Variants in CLEC1A observed in about 807,000 individuals in gnomAD.
CLEC1A encodes C-type lectin domain family 1 member A, also known as C-type lectin-like receptor-1.
CLEC1A carries 34 observed loss-of-function variants against 28.7 expected under a neutral mutation model. That is an observed-to-expected ratio of 1.18 (90% CI 0.90 to 1.57). The LOEUF (loss-of-function observed/expected upper bound fraction) is 1.57, where lower values mean the gene tolerates loss of function less well. Among genes scored for constraint, CLEC1A ranks in the 40% most tolerant of loss-of-function variants. The pLI, the probability that CLEC1A is intolerant of heterozygous loss-of-function variation, is 0.00. For synonymous variants in CLEC1A, 116 were observed against 121.0 expected (o/e 0.96, Z 0.27); for missense variants, 385 against 339.5 (o/e 1.13, Z -1.05).
At chr12:10,093,371 T>TAA (rs761708305) in intron 1 of CLEC1A, among the ~76,000 whole-genome samples, 4 of 30,526 alleles carry the variant, frequency 1.3e-4, no homozygotes, top group African/African-American at 2.6e-4. Context: ...AAGATATATA[T>TAA]AGAAAAAAAA....
chr12:10,092,023 T>C (rs1411148346), intron 1 of CLEC1A, among the ~76,000 whole-genome samples: 2 of 152,018 alleles, frequency 1.3e-5, no homozygotes, highest in African/African-American at 4.8e-5. Flanking sequence ...GTCCATTATA[T>C]ACAAATACCT....
At chr12:10,078,794 C>T (rs11053573) in intron 3 of CLEC1A, among the ~76,000 whole-genome samples, 40,735 of 152,044 alleles carry the variant, frequency 0.27, 6,005 homozygotes, top group African/African-American at 0.4. Flanking sequence ...TGGGAAGTGT[C>T]TCGGTCAGGG....
rs1226098416 is a variant in CLEC1A, at chr12:10,069,914, C to T, written c.*1419G>A. On this transcript the variant is annotated 3_prime_UTR_variant, in exon 6 of 6. Transcript: ENST00000315330. ...TTTCTATCATATGATTGCTACTATA[C>T]GTCATTTTACCATGAGATAGATGTT... The T allele has an allele frequency of 2.6e-5, 4 of 152,180 alleles. No homozygotes were observed. Among genetic ancestry groups the T allele is most frequent in the South Asian group, 2.1e-4 (1 of 4,834 alleles). 9.4% of individuals were successfully genotyped at this position (152,180 alleles called of 1,614,324 possible). A position where few individuals can be genotyped will look rare whatever the true frequency, so the allele number is the denominator to read the frequency against.
At chr12:10,079,270 T>C (rs182066460) in intron 3 of CLEC1A, among the ~76,000 whole-genome samples, 14 of 152,148 alleles carry the variant, frequency 9.2e-5, no homozygotes, top group Admixed American at 7.9e-4. Flanking sequence ...ATCACTTCAG[T>C]GGGTGGATGG....
In CLEC1A at chr12:10,075,597, C is replaced by T; in HGVS notation, c.450G>A (p.Gln150=). 1 of 1,614,072 alleles carries T rather than the reference C, an allele frequency of 6.2e-7. No individual in the cohort carries two copies. The highest frequency in any genetic ancestry group is 8.5e-7 in the Non-Finnish European group (1 of 1,179,966). ...CCCAACTTTTGCTGTCTTTATAGAA[C>T]TGGTAGCAATTGTCTCCATGCCATT... ...QWKWHGDNCY[Q]FYKDSKSWED... The change falls in exon 4 of 6, where the codon CAG becomes CAA. Residue 150 remains glutamine, a synonymous_variant. Transcript: ENST00000315330.
At chr12:10,094,859 T>C (rs1345882987) in intron 1 of CLEC1A, among the ~76,000 whole-genome samples, 1 of 152,132 alleles carries the variant, frequency 6.6e-6, no homozygotes, top group Non-Finnish European at 1.5e-5. Flanking sequence ...AGTTTCTTAG[T>C]GTACTGTATC....
chr12:10,090,823 T>A lies in CLEC1A; in HGVS notation c.116-1601A>T, dbSNP rs372130394. On this transcript the variant is annotated intron_variant, in intron 1 of 5. Transcript: ENST00000315330. The stretch of plus-strand genomic sequence containing the variant: ...ACTTTTCACAGATTGCTCCTTTTTT[T>A]AAAAAAAATGGCAATTTTATTATGC... 4.3e-3 allele frequency among the ~76,000 whole-genome samples: 655 copies of A among 151,794 alleles called. 4 individuals carry two copies. Among genetic ancestry groups the A allele is most frequent in the Non-Finnish European group, 5.3e-3 (363 of 67,876 alleles).
At chr12:10,079,877 A>G (rs1455556378) in intron 3 of CLEC1A, among the ~76,000 whole-genome samples, 3 of 152,160 alleles carry the variant, frequency 2.0e-5, no homozygotes, top group Non-Finnish European at 4.4e-5. Context: ...TTGAGATAGT[A>G]TCTTACTATA....
intron 3 of CLEC1A, among the ~76,000 whole-genome samples, chr12:10,076,506 G>T (rs1450515027): frequency 6.6e-6 from 1 of 152,056 alleles, no homozygotes; most frequent in Admixed American, 6.6e-5. Context: ...AACTTAGAAG[G>T]ATATCTTTGT....
intron 1 of CLEC1A, among the ~76,000 whole-genome samples, chr12:10,093,353 G>A (rs544143251): frequency 8.1e-6 from 1 of 123,500 alleles, no homozygotes; most frequent in East Asian, 2.1e-4. Context: ...AACATCCCTA[G>A]GAATAATAAG....
chr12:10,074,532 T>G (rs1866209926), intron 4 of CLEC1A, among the ~76,000 whole-genome samples: 1 of 152,216 alleles, frequency 6.6e-6, no homozygotes, highest in Non-Finnish European at 1.5e-5. Context: ...TACCACGTGA[T>G]ATAATATAGT....
intron 2 of CLEC1A, among the ~76,000 whole-genome samples, chr12:10,087,262 T>C (rs1382028645): frequency 7.6e-6 from 1 of 132,088 alleles, no homozygotes; most frequent in Non-Finnish European, 1.6e-5. Context: ...AAAAAGATAA[T>C]ACCCCATGAT....
At chr12:10,089,100 C>T (rs550482752) in intron 2 of CLEC1A, 24 bp downstream of exon 2, 4 of 1,568,316 alleles carry the variant, frequency 2.6e-6, no homozygotes, top group African/African-American at 1.4e-5. Flanking sequence ...CAGGATCCTC[C>T]CCCAGGTCAG....
rs1947799698 is a variant in CLEC1A at position 10,097,915 on chromosome 12, T to TAAAACA, written c.115+892_115+893insTGTTTT. On this transcript the variant is annotated intron_variant, in intron 1 of 5. Coordinates refer to ENST00000315330, the MANE Select transcript of CLEC1A (RefSeq NM_016511.4). ...TTAACAGCTTACTGGGTAGTTTAGTTAAAAAAAAAAAAAGCCATATTAGTA... is the reference window on the plus strand; with the variant it reads ...TTAACAGCTTACTGGGTAGTTTAGTTAAAACAAAAAAAAAAAAAAGCCATATTAGTA... Among the ~76,000 whole-genome samples the TAAAACA allele has an allele frequency of 1.7e-5, 2 of 117,878 alleles. 1 individual carries two copies. 77.3% of individuals were successfully genotyped at this position (117,878 alleles called of 152,430 possible).
rs866021091 is a variant in CLEC1A at position 10,075,577 on chromosome 12, C to A, written c.470G>T (p.Ser157Ile). Residue 157 changes from serine (S) to isoleucine (I), a missense_variant, in exon 4 of 6, where the codon AGT becomes ATT. Coordinates refer to ENST00000315330, the MANE Select transcript of CLEC1A (RefSeq NM_016511.4). Reference sequence around the variant, plus strand: ...GCAGAAATATTTACAGTCCTCCCAACTTTTGCTGTCTTTATAGAACTGGTA... The same window carrying A: ...GCAGAAATATTTACAGTCCTCCCAAATTTTGCTGTCTTTATAGAACTGGTA... ...NCYQFYKDSK[S>I]WEDCKYFCLS... 1.2e-6 allele frequency: 2 copies of A among 1,614,022 alleles called. No homozygotes were observed. The highest frequency in any genetic ancestry group is 2.2e-5 in the South Asian group (2 of 91,078).
chr12:10,091,541 G>T (rs1489294907), intron 1 of CLEC1A, among the ~76,000 whole-genome samples: 1 of 151,806 alleles, frequency 6.6e-6, no homozygotes, highest in Non-Finnish European at 1.5e-5. Flanking sequence ...AGGGAGATTT[G>T]CTTCCTCCTG....
At chr12:10,082,796 A>G (rs1866399379) in intron 2 of CLEC1A, among the ~76,000 whole-genome samples, 1 of 152,206 alleles carries the variant, frequency 6.6e-6, no homozygotes, top group Admixed American at 6.5e-5. Flanking sequence ...CCAAGGAGGG[A>G]GAAGACAACA....
intron 3 of CLEC1A, among the ~76,000 whole-genome samples, chr12:10,078,531 G>A (rs1435099265): frequency 6.6e-6 from 1 of 152,092 alleles, no homozygotes; most frequent in East Asian, 1.9e-4. Context: ...GACTACCCTG[G>A]AATTCCTTAT....
Position 10,075,538 on chromosome 12 carries a change from G to C in CLEC1A, c.509C>G (p.Ser170Cys). The C allele has an allele frequency of 2.5e-6, 4 of 1,613,948 alleles. No individual in the cohort carries two copies. The highest frequency in any genetic ancestry group is 1.3e-5 in the African/African-American group (1 of 75,030). Reference protein sequence around the residue: ...DCKYFCLSENSTMLKINKQED... With the variant: ...DCKYFCLSENCTMLKINKQED... The stretch of plus-strand genomic sequence containing the variant: ...TTGTTTGTTTATCTTCAGCATGGTA[G>C]AGTTTTCACTAAGGCAGAAATATTT... The change falls in exon 4 of 6, where the codon TCT becomes TGT. Residue 170 changes from serine (S) to cysteine (C), a missense_variant. Coordinates refer to ENST00000315330, the MANE Select transcript of CLEC1A (RefSeq NM_016511.4).
Sources: gnomAD v4.1 joint callset for allele counts (sites outside exome capture counted in the v4.1 genomes callset) on GRCh38, gnomAD v4.1.1 for gene constraint, MANE v1.5 for transcripts, NCBI Gene and HGNC (gene_info 2026-07-23, HGNC 2026-07-21) for gene names.